Variants in GUCY2F observed in about 807,000 individuals in gnomAD.
The protein encoded by GUCY2F is guanylate cyclase 2F, retinal.
Under a neutral mutation model 73.1 loss-of-function variants are expected in GUCY2F, and 61 were observed. The observed-to-expected ratio is 0.83, with a 90% CI of 0.68 to 1.03. The LOEUF (loss-of-function observed/expected upper bound fraction) is 1.03, where lower values mean the gene tolerates loss of function less well. Among genes scored for constraint, GUCY2F ranks in the 50% least tolerant of loss-of-function variants. The pLI is 0.00. For synonymous variants in GUCY2F, 331 were observed against 307.8 expected, an observed-to-expected ratio of 1.08 and a Z score of -0.79; for missense variants, 912 against 854.3, an observed-to-expected ratio of 1.07 and a Z score of -0.84.
intron 7 of GUCY2F, among the ~76,000 whole-genome samples, chrX:109,431,916 A>AG (rs1265283128): frequency 1.9e-3 from 202 of 108,340 alleles, no homozygotes; most frequent in African/African-American, 6.5e-3. Context: ...GAAAAAAAAA[A>AG]AAAAAAGAAA....
At chrX:109,411,379 C>T (rs765123654) in intron 8 of GUCY2F, among the ~76,000 whole-genome samples, 10 of 111,020 alleles carry the variant, frequency 9.0e-5, no homozygotes, top group Non-Finnish European at 1.9e-4. Flanking sequence ...TACAAAAGTC[C>T]AGCTTCCTAG....
chrX:109,475,418 G>A lies in GUCY2F; in HGVS notation c.519C>T (p.Ile173=), dbSNP rs1932667925. ...ATTTCATGACAGTTACAAGCACCCG[G>A]ATGGGAGAAGGGAGTGTCCGAGAAA... The part of the protein sequence containing the change: ...PTFSRTLPSP[I]RVLVTVMKYF... The change falls in exon 2 of 20, where the codon ATC becomes ATT. Residue 173 remains isoleucine, a synonymous_variant. Transcript: ENST00000218006. 8.3e-7 allele frequency: 1 copy of A among 1,208,874 alleles called. No homozygotes were observed.
intron 8 of GUCY2F, among the ~76,000 whole-genome samples, chrX:109,426,669 G>A (rs1362547579): frequency 8.9e-6 from 1 of 112,551 alleles, no homozygotes; most frequent in African/African-American, 3.2e-5. Flanking sequence ...GATTACAGGC[G>A]TGAGCCACCA....
chrX:109,441,203 C>T (rs754752131), intron 7 of GUCY2F, 148 bp downstream of exon 7: 1 of 350,397 alleles, frequency 2.9e-6, no homozygotes, highest in Non-Finnish European at 5.1e-6. Flanking sequence ...AGAATGTCAA[C>T]CAAACGAGTC....
Position 109,388,417 on chromosome X carries a change from CT to C in GUCY2F, c.2956+71del, listed in dbSNP as rs1930485505. On this transcript the variant is annotated intron_variant, in intron 15 of 19. Transcript: ENST00000218006. Reference sequence around the variant, plus strand: ...TGGCCAGGAATCAGGGGAGAGCTATCTTTTTCCCTTTCTTTTTTAGTCTTCC... The same window carrying C: ...TGGCCAGGAATCAGGGGAGAGCTATCTTTTCCCTTTCTTTTTTAGTCTTCC... 3 of 831,384 alleles carry C rather than the reference CT, an allele frequency of 3.6e-6. No homozygotes were observed. In the South Asian group the frequency reaches 7.2e-5, roughly 20 times the overall value. 68.5% of individuals were successfully genotyped at this position (831,384 alleles called of 1,213,427 possible).
intron 15 of GUCY2F, among the ~76,000 whole-genome samples, chrX:109,387,971 G>A (rs1442369613): frequency 9.0e-6 from 1 of 111,007 alleles, no homozygotes; most frequent in African/African-American, 3.3e-5. Flanking sequence ...GGGCTAAGGA[G>A]GGAGTGGACA....
At chrX:109,416,211 G>T (rs1030424571) in intron 8 of GUCY2F, among the ~76,000 whole-genome samples, 3 of 110,625 alleles carry the variant, frequency 2.7e-5, no homozygotes, top group Non-Finnish European at 5.7e-5. Flanking sequence ...AAAAAAAAAG[G>T]TCAATAGAAA....
At position 109,452,011 on chromosome X, in the gene GUCY2F, C is replaced by A. The variant is rs1932145100; in HGVS notation, c.1472+12G>T. On this transcript the variant is annotated intron_variant, in intron 5 of 19. Coordinates refer to ENST00000218006, the MANE Select transcript of GUCY2F (RefSeq NM_001522.3). ...TTGTATTTTTTATATACAAAAATAA[C>A]AAAAAATGTACCTTATAAAGTAAGC... is the stretch of plus-strand genomic sequence containing the variant. 1.2e-6 allele frequency: 1 copy of A among 852,552 alleles called. No homozygotes were observed. The highest frequency in any genetic ancestry group is 2.0e-5 in the African/African-American group (1 of 49,919). The allele number at this position is 852,552 out of a possible 1,213,427, so 70.3% of individuals were successfully genotyped here.
At chrX:109,379,172 C>T (rs1035642672) in intron 17 of GUCY2F, among the ~76,000 whole-genome samples, 1 of 111,975 alleles carries the variant, frequency 8.9e-6, no homozygotes. Flanking sequence ...GAATCTAAAA[C>T]AATTGAATTA....
rs2147259206 is a variant in GUCY2F, at chrX:109,404,433, G to A, written c.2020C>T (p.Arg674Ter). The change falls in exon 10 of 20, where the codon CGA (arginine) becomes TGA (stop). Residue 674 changes from arginine (R) to a stop codon, truncating the protein, a stop_gained. Coordinates refer to ENST00000218006, the MANE Select transcript of GUCY2F (RefSeq NM_001522.3). LOFTEE classifies it high-confidence loss of function. ...REFVHGRLKS[R>*]NCVVDGRFVL... is the part of the protein sequence containing the mutation. ...AAACGCCCATCTACCACACAGTTTC[G>A]AGACTTTAGCCTCCCATGAACAAAC... 2.5e-6 allele frequency: 3 copies of A among 1,192,139 alleles called. No homozygotes were observed. The highest frequency in any genetic ancestry group is 3.4e-6 in the Non-Finnish European group (3 of 877,975).
intron 10 of GUCY2F, among the ~76,000 whole-genome samples, chrX:109,400,050 G>C (rs1323313632): frequency 1.8e-5 from 2 of 110,599 alleles, no homozygotes; most frequent in Non-Finnish European, 3.8e-5. Flanking sequence ...GAATACAAAA[G>C]GCAGTAGGGG....
intron 13 of GUCY2F, among the ~76,000 whole-genome samples, chrX:109,392,427 A>C (rs1930588865): frequency 9.0e-6 from 1 of 111,453 alleles, no homozygotes; most frequent in Admixed American, 9.5e-5. Context: ...CCCTTTCATG[A>C]GGCTAGTTTC....
At chrX:109,443,753 A>G (rs1185450152) in intron 6 of GUCY2F, among the ~76,000 whole-genome samples, 4 of 112,219 alleles carry the variant, frequency 3.6e-5, no homozygotes, top group Non-Finnish European at 7.5e-5. Flanking sequence ...CATCTAGGCA[A>G]TTGATATGAA....
Position 109,388,668 on chromosome X carries a change from G to A in GUCY2F, c.2782-5C>T. On this transcript the variant is annotated splice_polypyrimidine_tract_variant and splice_region_variant and intron_variant, in intron 14 of 19. Transcript: ENST00000218006. ...GGCATCTCCAATGGTCTCTACCTGG[G>A]AATTAGGAAAAATAGAATTAGCAAA... 7.8e-6 allele frequency: 9 copies of A among 1,160,279 alleles called. No individual in the cohort carries two copies. Among genetic ancestry groups the A allele is most frequent in the Non-Finnish European group, 1.1e-5 (9 of 850,799 alleles).
In GUCY2F at chrX:109,469,528, TCA is replaced by T. The variant is rs1932532770; in HGVS notation, c.731-4087_731-4086del. On this transcript the variant is annotated intron_variant, in intron 2 of 19. Coordinates refer to ENST00000218006, the MANE Select transcript of GUCY2F (RefSeq NM_001522.3). Reference sequence around the variant, plus strand: ...CATATTTGTGAGCCATCGATATTGCTCACAGTCCACAGAGACACCCCCCCATT... The same window carrying T: ...CATATTTGTGAGCCATCGATATTGCTCAGTCCACAGAGACACCCCCCCATT... Among the ~76,000 whole-genome samples the T allele has an allele frequency of 1.8e-5, 2 of 110,172 alleles. 1 individual carries two copies. Among genetic ancestry groups the T allele is most frequent in the South Asian group, 8.1e-4 (2 of 2,462 alleles).
chrX:109,382,164 A>C lies in GUCY2F; in HGVS notation c.3104T>G (p.Leu1035Arg), dbSNP rs773550329. ...AAGCTCCACTTCATAGCCCTCACTC[A>C]GATTTTGAAGAATTGTAACAGTGCT... ...SLSTVTILQN[L>R]SEGYEVELRG... The change falls in exon 17 of 20, where the codon CTG (leucine) becomes CGG (arginine). Residue 1035 changes from leucine (L) to arginine (R), a missense_variant. Transcript: ENST00000218006. 9.3e-6 allele frequency: 11 copies of C among 1,184,671 alleles called. No individual in the cohort carries two copies. Among genetic ancestry groups the C allele is most frequent in the East Asian group, 3.0e-5 (1 of 33,729 alleles).
At chrX:109,420,900 T>C (rs1931356579) in intron 8 of GUCY2F, among the ~76,000 whole-genome samples, 1 of 111,996 alleles carries the variant, frequency 8.9e-6, no homozygotes, top group African/African-American at 3.2e-5. Context: ...TCACATAAAG[T>C]TACACATACA....
chrX:109,476,095 TG>T, intron 1 of GUCY2F, 74 bp from the exon 2 acceptor site: 2 of 344,046 alleles, frequency 5.8e-6, no homozygotes, highest in Non-Finnish European at 8.8e-6. Context: ...TGTGAAAGAA[TG>T]GCAAAAAAAA....
At chrX:109,380,215 G>A (rs922529427) in intron 17 of GUCY2F, among the ~76,000 whole-genome samples, 4 of 112,079 alleles carry the variant, frequency 3.6e-5, no homozygotes, top group Admixed American at 1.9e-4. Context: ...CATCAAATGT[G>A]ATATTTCTGC....
Sources: allele counts gnomAD v4.1 joint callset (sites outside exome capture counted in the v4.1 genomes callset), GRCh38; gene constraint gnomAD v4.1.1; transcripts MANE v1.5; gene names NCBI Gene and HGNC (gene_info 2026-07-23, HGNC 2026-07-21).